Variants in WDR1 observed in about 807,000 individuals in gnomAD.
The protein encoded by WDR1 is WD repeat domain 1.
Under a neutral mutation model 71.9 loss-of-function variants are expected in WDR1, and 21 were observed. The ratio of observed to expected loss-of-function variants is 0.29; its 90% CI spans 0.21 to 0.42. The LOEUF (loss-of-function observed/expected upper bound fraction) is 0.42, where lower values mean the gene tolerates loss of function less well. WDR1 is among the 10% of genes least tolerant of loss of function. WDR1 has a pLI of 1.00. For missense variants in WDR1, 696 were observed against 824.5 expected (o/e 0.84, Z 1.91); for synonymous variants, 424 against 347.4 (o/e 1.22, Z -2.45).
chr4:10,098,889 G>C (rs1351362326), intron 4 of WDR1, 103 bp downstream of exon 4: 3 of 1,524,740 alleles, frequency 2.0e-6, no homozygotes, highest in Admixed American at 1.7e-5. Context: ...CCTCACGAGT[G>C]CAAGTTAGTA....
chr4:10,115,409 C>A (rs1321285341), intron 2 of WDR1, among the ~76,000 whole-genome samples: 1 of 152,264 alleles, frequency 6.6e-6, no homozygotes, highest in Non-Finnish European at 1.5e-5. Context: ...CATGGGAAAA[C>A]ACTGCTTCCT....
intron 2 of WDR1, among the ~76,000 whole-genome samples, chr4:10,113,995 C>G (rs1446899133): frequency 6.6e-6 from 1 of 152,168 alleles, no homozygotes; most frequent in African/African-American, 2.4e-5. Context: ...AGCCTGCATT[C>G]CAAACAGACC....
intron 2 of WDR1, chr4:10,106,344 G>T (rs1055054930): frequency 2.0e-5 from 3 of 152,284 alleles, no homozygotes; most frequent in African/African-American, 7.2e-5. Flanking sequence ...TTCTGACACT[G>T]ACACATCCCT....
intron 2 of WDR1, among the ~76,000 whole-genome samples, chr4:10,113,915 C>T (rs1713549142): frequency 6.6e-6 from 1 of 152,176 alleles, no homozygotes; most frequent in African/African-American, 2.4e-5. Context: ...TATGTTGAGT[C>T]TGAGATGTCA....
At chr4:10,087,041 G>A (rs1194141830) in intron 8 of WDR1, among the ~76,000 whole-genome samples, 1 of 152,220 alleles carries the variant, frequency 6.6e-6, no homozygotes, top group Non-Finnish European at 1.5e-5. Flanking sequence ...AACACAGGGA[G>A]CCTTTGGCTC....
At chr4:10,090,234 G>A (rs183254695) in intron 5 of WDR1, among the ~76,000 whole-genome samples, 68 of 152,268 alleles carry the variant, frequency 4.5e-4, no homozygotes, top group Non-Finnish European at 8.1e-4. Flanking sequence ...TGGCAGCTGC[G>A]GCACACTAAC....
intron 2 of WDR1, among the ~76,000 whole-genome samples, chr4:10,105,203 T>C (rs780978451): frequency 6.6e-6 from 1 of 152,192 alleles, no homozygotes; most frequent in Non-Finnish European, 1.5e-5. Context: ...TTCCAGATCA[T>C]TTAACATGTC....
At chr4:10,077,652 C>T in intron 13 of WDR1, 101 bp downstream of exon 13, 1 of 1,468,430 alleles carries the variant, frequency 6.8e-7, no homozygotes, top group African/African-American at 1.4e-5. Flanking sequence ...AAAACTACAG[C>T]TCAGACAGGC....
chr4:10,075,586 G>T, intron 14 of WDR1, 102 bp from the exon 15 acceptor site: 3 of 1,111,244 alleles, frequency 2.7e-6, no homozygotes, highest in Non-Finnish European at 4.0e-6. Flanking sequence ...ATCATCTCCA[G>T]GGCCAAGAAA....
At chr4:10,090,652 C>T (rs553436452) in intron 5 of WDR1, among the ~76,000 whole-genome samples, 5 of 152,344 alleles carry the variant, frequency 3.3e-5, no homozygotes, top group East Asian at 3.9e-4. Flanking sequence ...GACCTGCTCA[C>T]GGCTGGGGTC....
chr4:10,116,529 C>T lies in WDR1; in HGVS notation c.16+122G>A, dbSNP rs1339019851. ...AGGGCGGCCCCGCCACGCCTCCGGC[C>T]GGCGCCCGCACCCCTCCCCCGCGCC... is the stretch of plus-strand genomic sequence containing the variant. On this transcript the variant is annotated intron_variant, in intron 1 of 14. Transcript: ENST00000499869. 5.0e-6 allele frequency: 4 copies of T among 798,912 alleles called. No homozygotes were observed. The African/African-American group carries it at 7.4e-5, about 15-fold the overall frequency. The allele number at this position is 798,912 out of a possible 1,614,324, so 49.5% of individuals were successfully genotyped here. A position where few individuals can be genotyped will look rare whatever the true frequency, so the allele number is the denominator to read the frequency against.
In WDR1 at chr4:10,088,759, C is replaced by G. The variant is rs560974293; in HGVS notation, c.559-18G>C. 31 of 1,576,860 alleles carry G rather than the reference C, an allele frequency of 2.0e-5. No homozygotes were observed. Among genetic ancestry groups the G allele is most frequent in the Non-Finnish European group, 2.7e-5 (31 of 1,159,632 alleles). On this transcript the variant is annotated intron_variant, in intron 5 of 14. Coordinates refer to ENST00000499869, the MANE Select transcript of WDR1 (RefSeq NM_017491.5). ...CTGTGGTCCTGCAGGAAAACAATTA[C>G]CTGCCTGATGAGGGGCCGCAGGCCT... is the stretch of plus-strand genomic sequence containing the variant.
chr4:10,074,807 T>C lies in WDR1; in HGVS notation c.*571A>G, dbSNP rs1764734595. The C allele has an allele frequency of 6.6e-6, 1 of 152,538 alleles. No homozygotes were observed. Among genetic ancestry groups the C allele is most frequent in the African/African-American group, 2.4e-5 (1 of 41,344 alleles). The allele number at this position is 152,538 out of a possible 1,614,324, so 9.4% of individuals were successfully genotyped here. On this transcript the variant is annotated 3_prime_UTR_variant, in exon 15 of 15. Coordinates refer to ENST00000499869, the MANE Select transcript of WDR1 (RefSeq NM_017491.5). Reference sequence around the variant, plus strand: ...TAAAATCAAGCACAAAATCTGACAATGAAACATATCCAGGGGTTGTGTGTC... The same window carrying C: ...TAAAATCAAGCACAAAATCTGACAACGAAACATATCCAGGGGTTGTGTGTC...
intron 2 of WDR1, among the ~76,000 whole-genome samples, chr4:10,110,099 G>A (rs943404474): frequency 4.6e-5 from 7 of 152,136 alleles, no homozygotes; most frequent in Non-Finnish European, 7.3e-5. Context: ...CAGTGGGGCG[G>A]GGGTAGGGGT....
At chr4:10,098,909 G>A in intron 4 of WDR1, 83 bp downstream of exon 4, 3 of 1,581,052 alleles carry the variant, frequency 1.9e-6, no homozygotes, top group Non-Finnish European at 1.7e-6. Flanking sequence ...ACAGACATCA[G>A]CGCATCCCCC....
chr4:10,103,293 C>CAG (rs1300658360), intron 3 of WDR1, among the ~76,000 whole-genome samples: 1 of 14,668 alleles, frequency 6.8e-5, no homozygotes, highest in Non-Finnish European at 1.3e-4. Context: ...CACACAGACA[C>CAG]ACACACACAC....
At chr4:10,111,561 G>A (rs1278200198) in intron 2 of WDR1, among the ~76,000 whole-genome samples, 1 of 152,118 alleles carries the variant, frequency 6.6e-6, no homozygotes, top group African/African-American at 2.4e-5. Context: ...TCCCACCCAG[G>A]ACAGTGAGCT....
Position 10,081,455 on chromosome 4 carries a change from G to A in WDR1, c.1197-11C>T. The A allele has an allele frequency of 6.2e-7, 1 of 1,613,162 alleles. No homozygotes were observed. ...ACAACTCCTTGTCCGCTGTTAGAGA[G>A]AAAGGAAGCACATTACTTCGACAAT... On this transcript the variant is annotated splice_polypyrimidine_tract_variant and intron_variant, in intron 10 of 14. Coordinates refer to ENST00000499869, the MANE Select transcript of WDR1 (RefSeq NM_017491.5).
At chr4:10,114,160 G>A (rs1212686948) in intron 2 of WDR1, among the ~76,000 whole-genome samples, 1 of 152,142 alleles carries the variant, frequency 6.6e-6, no homozygotes, top group East Asian at 1.9e-4. Flanking sequence ...AGCCCAGGGA[G>A]GGCTATATTA....
Sources: gnomAD v4.1 joint callset for allele counts (sites outside exome capture counted in the v4.1 genomes callset) on GRCh38, gnomAD v4.1.1 for gene constraint, MANE v1.5 for transcripts, NCBI Gene and HGNC (gene_info 2026-07-23, HGNC 2026-07-21) for gene names.